PRKCZ: variants seen among roughly 807,000 people sequenced by gnomAD.
PRKCZ encodes protein kinase C zeta.
In PRKCZ, 33 loss-of-function variants were observed where a neutral mutation model predicts 79.5. That is an observed-to-expected ratio of 0.41 (90% CI 0.31 to 0.55). PRKCZ has a LOEUF of 0.55. PRKCZ is among the 20% of genes least tolerant of loss of function. PRKCZ has a pLI of 0.19. For synonymous variants in PRKCZ, 342 were observed against 320.9 expected (o/e 1.07, Z -0.70); for missense variants, 578 against 813.5 (o/e 0.71, Z 3.52).
At chr1:2,107,605 C>G (rs1257010182) in intron 4 of PRKCZ, among the ~76,000 whole-genome samples, 4 of 152,226 alleles carry the variant, frequency 2.6e-5, no homozygotes, top group Admixed American at 1.3e-4. Context: ...AGACACCGAA[C>G]CCCTGGAGGA....
In PRKCZ at chr1:2,117,170, G is replaced by T. The variant is rs916010399; in HGVS notation, c.335-18092G>T. On this transcript the variant is annotated intron_variant, in intron 4 of 17. Transcript: ENST00000378567. ...TCCCTATGTTGCCCAGGCTGGTCTT[G>T]AACTCCTGGGCTCAAGTGGTCCTTC... Among the ~76,000 whole-genome samples, 2 of 152,072 alleles carry T rather than the reference G, an allele frequency of 1.3e-5. 1 individual carries two copies. Among genetic ancestry groups the T allele is most frequent in the Middle Eastern group, 6.3e-3 (2 of 316 alleles).
intron 1 of PRKCZ, among the ~76,000 whole-genome samples, chr1:2,051,707 C>T (rs1267738174): frequency 2.0e-5 from 3 of 152,310 alleles, no homozygotes; most frequent in East Asian, 1.9e-4. Flanking sequence ...GGGCCACGTC[C>T]TCTCAGGACA....
chr1:2,126,583 C>T (rs569009886), intron 4 of PRKCZ, among the ~76,000 whole-genome samples: 34 of 152,250 alleles, frequency 2.2e-4, no homozygotes, highest in African/African-American at 7.5e-4. Context: ...GAAATGCCCT[C>T]ATTTGATTGG....
Position 2,174,949 on chromosome 1 carries a change from G to A in PRKCZ, c.1485+116G>A, listed in dbSNP as rs749079471. ...GTCGGCTGCTGTGTATCGGGTGTGT[G>A]GGTTGATTTTCCGCTTCAGTATTTG... On this transcript the variant is annotated intron_variant, in intron 15 of 17. Transcript: ENST00000378567. The surrounding 1 kb of genome is among the most constrained non-coding windows in gnomAD (Gnocchi z 6.2). 1.2e-4 allele frequency: 137 copies of A among 1,115,006 alleles called. No homozygotes were observed. The highest frequency in any genetic ancestry group is 1.7e-4 in the Non-Finnish European group (130 of 755,812). 69.1% of individuals were successfully genotyped at this position (1,115,006 alleles called of 1,614,324 possible). A position where few individuals can be genotyped will look rare whatever the true frequency, so the allele number is the denominator to read the frequency against.
At chr1:2,091,048 T>C (rs80216793) in intron 4 of PRKCZ, among the ~76,000 whole-genome samples, 2 of 152,236 alleles carry the variant, frequency 1.3e-5, no homozygotes, top group African/African-American at 2.4e-5. Context: ...TTTGTTTTTT[T>C]GAGCTGGAGT....
At chr1:2,093,042 G>A (rs1238980156) in intron 4 of PRKCZ, among the ~76,000 whole-genome samples, 1 of 152,170 alleles carries the variant, frequency 6.6e-6, no homozygotes, top group Non-Finnish European at 1.5e-5. Flanking sequence ...ACGAGGCCGC[G>A]GTGCCCAGTA....
chr1:2,132,134 GACTT>G (rs1383084381), intron 4 of PRKCZ, among the ~76,000 whole-genome samples: 6 of 152,162 alleles, frequency 3.9e-5, no homozygotes, highest in Non-Finnish European at 7.4e-5. Context: ...TTTGTTTTTT[GACTT>G]ACTTGTTTGG....
At chr1:2,110,965 G>A (rs936907565) in intron 4 of PRKCZ, among the ~76,000 whole-genome samples, 1 of 152,086 alleles carries the variant, frequency 6.6e-6, no homozygotes, top group Admixed American at 6.5e-5. Flanking sequence ...CCTTCCCCTC[G>A]GGTGCGAGGC....
At chr1:2,179,410 A>G (rs1328313032) in intron 16 of PRKCZ, among the ~76,000 whole-genome samples, 2 of 152,170 alleles carry the variant, frequency 1.3e-5, no homozygotes, top group East Asian at 3.8e-4. Flanking sequence ...GATCCCCGGT[A>G]CTTGGCACAC....
Position 2,082,043 on chromosome 1 carries a change from G to A in PRKCZ, c.334+22452G>A, listed in dbSNP as rs1475159104. ...GTTCATATTAAAGCAGGCTTGATCC[G>A]GGCTGCCGTGGTTCCGATCGACTCC... On this transcript the variant is annotated intron_variant, in intron 4 of 17. Coordinates refer to ENST00000378567, the MANE Select transcript of PRKCZ (RefSeq NM_002744.6). The surrounding 1 kb of genome is among the most constrained non-coding windows in gnomAD (Gnocchi z 4.4). Among the ~76,000 whole-genome samples, 1 of 152,218 alleles carries A rather than the reference G, an allele frequency of 6.6e-6. No individual in the cohort carries two copies. The highest frequency in any genetic ancestry group is 1.5e-5 in the Non-Finnish European group (1 of 68,034).
At position 2,127,818 on chromosome 1, in the gene PRKCZ, CCAGGCTGAGT is replaced by C. The variant is rs1230856599; in HGVS notation, c.335-7439_335-7430del. The stretch of plus-strand genomic sequence containing the variant: ...GGTCAGTTTGTGGACCAATGGCCAA[CCAGGCTGAGT>C]CAGGTGAGGTGGGGAGTCCCACCCC... On this transcript the variant is annotated intron_variant, in intron 4 of 17. Transcript: ENST00000378567. This position sits in a 1 kb window ranked among gnomAD's most constrained non-coding sequence, Gnocchi z 5.1. 4.6e-5 allele frequency among the ~76,000 whole-genome samples: 7 copies of C among 152,368 alleles called. No individual in the cohort carries two copies. The highest frequency in any genetic ancestry group is 1.7e-4 in the African/African-American group (7 of 41,576).
At chr1:2,133,819 G>A (rs1415416217) in intron 4 of PRKCZ, 1 of 152,446 alleles carries the variant, frequency 6.6e-6, no homozygotes, top group Non-Finnish European at 1.5e-5. Context: ...GACAAGTCAG[G>A]CCTACGGACT....
chr1:2,061,731 G>C (rs541579102), intron 4 of PRKCZ, among the ~76,000 whole-genome samples: 1 of 152,300 alleles, frequency 6.6e-6, no homozygotes, highest in South Asian at 2.1e-4. Context: ...GTTTCATGGC[G>C]CTAGTGTCAG....
At chr1:2,147,547 CATCT>C (rs1678867240) in intron 7 of PRKCZ, among the ~76,000 whole-genome samples, 1 of 149,946 alleles carries the variant, frequency 6.7e-6, no homozygotes, top group Non-Finnish European at 1.5e-5. Flanking sequence ...CCTCTCCACC[CATCT>C]GTCTGTTGTC....
Position 2,177,593 on chromosome 1 carries a change from C to T in PRKCZ, c.1575+2280C>T, listed in dbSNP as rs535603144. 2.0e-5 allele frequency among the ~76,000 whole-genome samples: 3 copies of T among 152,304 alleles called. No individual in the cohort carries two copies. In the East Asian group the frequency reaches 5.8e-4, roughly 29 times the overall value. ...ATCTGAGTGTGAGTCCAACCCTGCC[C>T]GAGCCGGAACTCAAGGAGACCATGA... On this transcript the variant is annotated intron_variant, in intron 16 of 17. Coordinates refer to ENST00000378567, the MANE Select transcript of PRKCZ (RefSeq NM_002744.6). This position sits in a 1 kb window ranked among gnomAD's most constrained non-coding sequence, Gnocchi z 6.4.
At chr1:2,076,003 T>C (rs977916076) in intron 4 of PRKCZ, among the ~76,000 whole-genome samples, 3 of 152,220 alleles carry the variant, frequency 2.0e-5, no homozygotes, top group Non-Finnish European at 2.9e-5. Context: ...CAACCTCTGC[T>C]GAGGATCCCA....
At chr1:2,157,577 C>G (rs908442856) in intron 10 of PRKCZ, among the ~76,000 whole-genome samples, 4 of 152,076 alleles carry the variant, frequency 2.6e-5, no homozygotes, top group Admixed American at 2.6e-4. Flanking sequence ...GCCACCACAC[C>G]TGGCTAATTT....
chr1:2,108,840 C>G (rs1245501798), intron 4 of PRKCZ, among the ~76,000 whole-genome samples: 2 of 152,206 alleles, frequency 1.3e-5, no homozygotes, highest in Non-Finnish European at 2.9e-5. Context: ...GCTCAGCGGT[C>G]TGGAGGGTGC....
rs931975039 is a variant in PRKCZ at position 2,173,818 on chromosome 1, G to T, written c.1286-79G>T. ...GCTCACACTCGTGTCAACTGGGCAT[G>T]AAAACCAACGCCAGCCAGGTTCGTC... On this transcript the variant is annotated intron_variant, in intron 13 of 17. Transcript: ENST00000378567. This position sits in a 1 kb window ranked among gnomAD's most constrained non-coding sequence, Gnocchi z 5.7. The T allele has an allele frequency of 6.6e-7, 1 of 1,505,928 alleles. No individual in the cohort carries two copies. Among genetic ancestry groups the T allele is most frequent in the Non-Finnish European group, 8.9e-7 (1 of 1,123,548 alleles). 93.3% of individuals were successfully genotyped at this position (1,505,928 alleles called of 1,614,324 possible).
Sources: gnomAD v4.1 joint callset for allele counts (sites outside exome capture counted in the v4.1 genomes callset) on GRCh38, gnomAD v4.1.1 for gene constraint, Gnocchi (gnomAD v3.1) non-coding constraint, MANE v1.5 for transcripts, NCBI Gene and HGNC (gene_info 2026-07-23, HGNC 2026-07-21) for gene names.